OPN5: variants seen among roughly 807,000 people sequenced by gnomAD.
OPN5 encodes opsin-5.
In OPN5, 18 loss-of-function variants were observed where a neutral mutation model predicts 41.7. The observed-to-expected ratio is 0.43, with a 90% CI of 0.30 to 0.64. The LOEUF is 0.64. Among genes scored for constraint, OPN5 ranks in the 30% least tolerant of loss-of-function variants. The pLI is 0.13. For synonymous variants in OPN5, 178 were observed against 164.3 expected (o/e 1.08, Z -0.64); for missense variants, 318 against 434.5 (o/e 0.73, Z 2.38).
intron 6 of OPN5, among the ~76,000 whole-genome samples, chr6:47,821,330 C>T (rs1025857700): frequency 1.3e-5 from 2 of 152,212 alleles, no homozygotes; most frequent in African/African-American, 4.8e-5. Flanking sequence ...GAGGGCTCTC[C>T]TAAGCCACAT....
At chr6:47,807,999 C>A (rs1774041458) in intron 4 of OPN5, among the ~76,000 whole-genome samples, 155 bp from the exon 5 acceptor site, 1 of 151,460 alleles carries the variant, frequency 6.6e-6, no homozygotes, top group African/African-American at 2.4e-5. Flanking sequence ...CTCAGAAGTC[C>A]ATATGAAATG....
At position 47,822,137 on chromosome 6, in the gene OPN5, A is replaced by G. The variant is rs1025465532; in HGVS notation, c.1057-1846A>G. Among the ~76,000 whole-genome samples, 269 of 150,432 alleles carry G rather than the reference A, an allele frequency of 1.8e-3. 2 individuals are homozygous for G. Among genetic ancestry groups the G allele is most frequent in the African/African-American group, 6.4e-3 (264 of 40,976 alleles). Reference sequence around the variant, plus strand: ...AAAAAAAAAAAAAAAAATGCAGGTGATTCTTATTCCAGGTGACTCTTATAC... The same window carrying G: ...AAAAAAAAAAAAAAAAATGCAGGTGGTTCTTATTCCAGGTGACTCTTATAC... On this transcript the variant is annotated intron_variant, in intron 6 of 6. Transcript: ENST00000371211.
At chr6:47,783,367 T>C (rs1773126911) in intron 1 of OPN5, among the ~76,000 whole-genome samples, 1 of 152,148 alleles carries the variant, frequency 6.6e-6, no homozygotes, top group South Asian at 2.1e-4. Flanking sequence ...TTTGTTTCTA[T>C]CTTTCTCTTC....
At chr6:47,790,415 C>G (rs1231291282) in intron 2 of OPN5, among the ~76,000 whole-genome samples, 1 of 152,120 alleles carries the variant, frequency 6.6e-6, no homozygotes, top group African/African-American at 2.4e-5. Flanking sequence ...TTCTCTCTCT[C>G]TGTGTCTCTC....
chr6:47,816,960 T>C (rs1476473758), intron 6 of OPN5, among the ~76,000 whole-genome samples: 1 of 152,122 alleles, frequency 6.6e-6, no homozygotes, highest in Non-Finnish European at 1.5e-5. Flanking sequence ...CATTTCTCAA[T>C]ATGTCTGGTC....
chr6:47,783,438 G>T (rs1773127910), intron 1 of OPN5, among the ~76,000 whole-genome samples: 1 of 150,842 alleles, frequency 6.6e-6, no homozygotes, highest in Admixed American at 6.6e-5. Context: ...TTTATTACTG[G>T]CTAAGAATTT....
chr6:47,808,383 T>C (rs761453412), exon 5 of OPN5: 11 of 1,613,960 alleles, frequency 6.8e-6, no homozygotes, highest in Non-Finnish European at 7.6e-6. Context: ...AAGAAGTCTC[T>C]GGAAGGCTTC....
At position 47,808,187 on chromosome 6, in the gene OPN5, G is replaced by A. The variant is rs775948867; in HGVS notation, c.790G>A (p.Ala264Thr). 12 of 1,613,142 alleles carry A rather than the reference G, an allele frequency of 7.4e-6. No individual in the cohort carries two copies. The highest frequency in any genetic ancestry group is 9.3e-6 in the Non-Finnish European group (11 of 1,179,484). Residue 264 changes from alanine (A) to threonine (T), a missense_variant, in exon 5 of 7, where the codon GCC (alanine) becomes ACC (threonine). Ala to Thr is a moderately conservative substitution (Grantham distance 58). Around this residue, in one of 3 missense-constraint regions of OPN5, gnomAD observed 219 missense variants for 343.4 expected, o/e 0.64. Transcript: ENST00000371211. ...GTTGATTTGTGCTGGATTCCTGATT[G>A]CCTGGATTCCTTATGCAGTGGTGTC...
downstream of OPN5, chr6:47,825,970 T>C (rs1561911350): frequency 6.6e-6 from 1 of 152,188 alleles, no homozygotes; most frequent in African/African-American, 2.4e-5. Context: ...GGTTAGCCAT[T>C]TCTCTTAGAG....
exon 3 of OPN5, chr6:47,791,881 A>G (rs1466074853): frequency 6.2e-7 from 1 of 1,613,952 alleles, no homozygotes; most frequent in Non-Finnish European, 8.5e-7. Flanking sequence ...GCTGGTATGG[A>G]TGGGCTGGAT....
At chr6:47,822,864 G>A (rs960157959) in intron 6 of OPN5, among the ~76,000 whole-genome samples, 3 of 152,140 alleles carry the variant, frequency 2.0e-5, no homozygotes, top group South Asian at 2.1e-4. Context: ...TCCTCCAAAC[G>A]ACATCTTCAG....
chr6:47,786,054 G>A (rs915069669), intron 1 of OPN5, among the ~76,000 whole-genome samples: 3 of 152,198 alleles, frequency 2.0e-5, no homozygotes, highest in Admixed American at 2.0e-4. Context: ...CCTGAACACT[G>A]GTGCTCCCTT....
At chr6:47,808,274 C>A (rs868002686) in exon 5 of OPN5, 1 of 1,613,946 alleles carries the variant, frequency 6.2e-7, no homozygotes. Flanking sequence ...GGTGCCAACC[C>A]TACTTGCAAA....
At chr6:47,801,391 GAAATCTTTCT>G (rs1338374717) in intron 4 of OPN5, among the ~76,000 whole-genome samples, 9 of 152,156 alleles carry the variant, frequency 5.9e-5, no homozygotes, top group Admixed American at 5.9e-4. Flanking sequence ...CATTGACTGT[GAAATCTTTCT>G]AAAACTCTTA....
At chr6:47,820,882 G>A (rs149454344) in intron 6 of OPN5, among the ~76,000 whole-genome samples, 1 of 152,130 alleles carries the variant, frequency 6.6e-6, no homozygotes. Context: ...ATGGCCTACT[G>A]TTGACCGGAA....
chr6:47,798,935 A>G (rs1346426024), intron 4 of OPN5, among the ~76,000 whole-genome samples: 1 of 152,136 alleles, frequency 6.6e-6, no homozygotes, highest in African/African-American at 2.4e-5. Context: ...AGCCTGGTCT[A>G]AAAGCTGATT....
intron 2 of OPN5, among the ~76,000 whole-genome samples, chr6:47,790,078 A>G (rs931231583): frequency 6.6e-6 from 1 of 152,172 alleles, no homozygotes; most frequent in South Asian, 2.1e-4. Flanking sequence ...TGGACCTCAC[A>G]TTTACTGAAA....
chr6:47,823,899 T>A, intron 6 of OPN5, 84 bp from the exon 7 acceptor site: 1 of 958,266 alleles, frequency 1.0e-6, no homozygotes, highest in Non-Finnish European at 1.7e-6. Flanking sequence ...GTGTGGTATG[T>A]TTAGGCTCTG....
chr6:47,804,822 T>G (rs1581745480), intron 4 of OPN5, among the ~76,000 whole-genome samples: 1 of 152,368 alleles, frequency 6.6e-6, no homozygotes, highest in East Asian at 1.9e-4. Flanking sequence ...GTATATTTAA[T>G]TCTTCTATGT....
Sources: gnomAD v4.1 joint callset for allele counts (sites outside exome capture counted in the v4.1 genomes callset) on GRCh38, gnomAD v4.1.1 for gene constraint, gnomAD v4.1.1 regional missense constraint, MANE v1.5 for transcripts, NCBI Gene and HGNC (gene_info 2026-07-23, HGNC 2026-07-21) for gene names.